The following PCDH15 variants were observed in gnomAD, a reference collection of about 807,000 sequenced individuals.
The protein encoded by PCDH15 is protocadherin related 15, also known as protocadherin-15.
In PCDH15, 129 loss-of-function variants were observed where a neutral mutation model predicts 178.5. That is an observed-to-expected ratio of 0.72 (90% CI 0.63 to 0.84). The LOEUF is 0.84. PCDH15 is among the 40% of genes least tolerant of loss of function. PCDH15 has a pLI of 0.00. For missense variants in PCDH15, 2,230 were observed against 2,099.9 expected (o/e 1.06, Z -1.21); for synonymous variants, 800 against 732.0 (o/e 1.09, Z -1.50).
chr10:53,811,428 A>G (rs926277070), intron 36 of PCDH15, 121 bp downstream of exon 36: 1 of 556,590 alleles, frequency 1.8e-6, no homozygotes, highest in Non-Finnish European at 3.0e-6. Context: ...ATTTTCAAGT[A>G]TTATACTAGT....
chr10:55,100,587 C>T (rs978133446), intron 2 of PCDH15, among the ~76,000 whole-genome samples: 2 of 152,126 alleles, frequency 1.3e-5, no homozygotes, highest in African/African-American at 2.4e-5. Flanking sequence ...AGGGGAGCTA[C>T]TGTGTGCAGA....
At chr10:54,987,372 T>G (rs1401430408) in intron 2 of PCDH15, among the ~76,000 whole-genome samples, 1 of 152,146 alleles carries the variant, frequency 6.6e-6, no homozygotes, top group African/African-American at 2.4e-5. Context: ...ATTCTTTGGG[T>G]ATATAGCCAG....
In PCDH15 at chr10:54,853,328, C is replaced by CAT. The variant is rs1250672893; in HGVS notation, c.-29+44121_-29+44122insAT. Among the ~76,000 whole-genome samples the CAT allele has an allele frequency of 1.1e-4, 13 of 118,402 alleles. No homozygotes were observed. The South Asian group carries it at 2.5e-3, about 23-fold the overall frequency. The allele number at this position is 118,402 out of a possible 152,430, so 77.7% of individuals were successfully genotyped here. A position where few individuals can be genotyped will look rare whatever the true frequency, so the allele number is the denominator to read the frequency against. Reference sequence around the variant, plus strand: ...ATATATATATATATATACATACACACACATATACATATATATACATATATA... The same window carrying CAT: ...ATATATATATATATATACATACACACATACATATACATATATATACATATATA... On this transcript the variant is annotated intron_variant, in intron 3 of 5. Transcript: ENST00000458638.
At chr10:53,896,145 G>C (rs758678525) in intron 26 of PCDH15, among the ~76,000 whole-genome samples, 3 of 151,272 alleles carry the variant, frequency 2.0e-5, no homozygotes, top group African/African-American at 7.3e-5. Context: ...AAGAGTGTAG[G>C]CTAAAATAAG....
chr10:55,021,634 ATTC>A (rs1389391068), intron 2 of PCDH15, among the ~76,000 whole-genome samples: 16 of 152,216 alleles, frequency 1.1e-4, no homozygotes, highest in Non-Finnish European at 1.5e-5. Context: ...AAGTATAGAT[ATTC>A]TTCTTTCAAA....
rs139717943 is a variant in PCDH15, at chr10:54,675,702, A to G, written c.-28-11412T>C. Among the ~76,000 whole-genome samples the G allele has an allele frequency of 1.4e-3, 208 of 152,232 alleles. 3 individuals are homozygous for G. Among genetic ancestry groups the G allele is most frequent in the African/African-American group, 4.8e-3 (199 of 41,560 alleles). On this transcript the variant is annotated intron_variant, in intron 1 of 37. Transcript: ENST00000644397. ...CCTTTCCTTTGTATTCAGCGAACAC[A>G]TCTCAGTTTATAATTACATTGCTTG... is the stretch of plus-strand genomic sequence containing the variant.
intron 2 of PCDH15, among the ~76,000 whole-genome samples, chr10:54,559,700 C>T (rs2087797490): frequency 6.6e-6 from 1 of 151,858 alleles, no homozygotes; most frequent in Admixed American, 6.6e-5. Flanking sequence ...TACCACTTTA[C>T]ATGTGCATAC....
rs1469531752 is a variant in PCDH15, at chr10:54,922,171, T to A, written c.-79-24671A>T. On this transcript the variant is annotated intron_variant, in intron 2 of 5. Coordinates refer to the PCDH15 transcript ENST00000458638. ...GTCTCATGTCCTTCTCATTTTTAAA[T>A]CATGACCATGCCTTTTCAACAGTCC... Among the ~76,000 whole-genome samples the A allele has an allele frequency of 1.3e-5, 2 of 152,216 alleles. 1 individual carries two copies. Among genetic ancestry groups the A allele is most frequent in the South Asian group, 4.1e-4 (2 of 4,826 alleles).
At chr10:55,283,649 G>A (rs1842792523) in intron 1 of PCDH15, among the ~76,000 whole-genome samples, 1 of 150,488 alleles carries the variant, frequency 6.6e-6, no homozygotes, top group African/African-American at 2.4e-5. Context: ...TTAAGTACTT[G>A]GTATAGAGCT....
rs141735752 is a variant in PCDH15, at chr10:54,202,769, G to A, written c.1099-6880C>T. Among the ~76,000 whole-genome samples, 903 of 140,678 alleles carry A rather than the reference G, an allele frequency of 6.4e-3. 9 individuals are homozygous for A. Among genetic ancestry groups the A allele is most frequent in the African/African-American group, 0.019 (738 of 38,730 alleles). 92.3% of individuals were successfully genotyped at this position (140,678 alleles called of 152,430 possible). A position where few individuals can be genotyped will look rare whatever the true frequency, so the allele number is the denominator to read the frequency against. ...AGAGGTTGCAGTGAGCCAAGATTGCGCCACTACATTCCAGCCTGAGCAACA... is the reference window on the plus strand; with the variant it reads ...AGAGGTTGCAGTGAGCCAAGATTGCACCACTACATTCCAGCCTGAGCAACA... On this transcript the variant is annotated intron_variant, in intron 10 of 37. Coordinates refer to ENST00000644397, the MANE Select transcript of PCDH15 (RefSeq NM_001384140.1).
At chr10:54,928,405 A>T (rs921924370) in intron 2 of PCDH15, among the ~76,000 whole-genome samples, 6 of 152,048 alleles carry the variant, frequency 3.9e-5, no homozygotes, top group African/African-American at 1.4e-4. Flanking sequence ...AGAATCTGAT[A>T]ATTATGTGTC....
intron 1 of PCDH15, among the ~76,000 whole-genome samples, chr10:55,186,650 T>TA (rs1029894919): frequency 2.0e-5 from 3 of 151,734 alleles, no homozygotes; most frequent in Non-Finnish European, 2.9e-5. Flanking sequence ...CTTACATTTT[T>TA]AAAAAATCTA....
chr10:55,048,087 T>C (rs1297909408), intron 2 of PCDH15, among the ~76,000 whole-genome samples: 1 of 151,856 alleles, frequency 6.6e-6, no homozygotes, highest in Non-Finnish European at 1.5e-5. Flanking sequence ...ATACTGGCAC[T>C]TTGAATGCTC....
At chr10:53,836,100 A>C (rs2077290511) in intron 29 of PCDH15, among the ~76,000 whole-genome samples, 1 of 152,024 alleles carries the variant, frequency 6.6e-6, no homozygotes, top group Admixed American at 6.6e-5. Flanking sequence ...TATAAGCAAA[A>C]ATCCCCTACC....
At chr10:55,253,334 T>G (rs1841897316) in intron 1 of PCDH15, among the ~76,000 whole-genome samples, 1 of 152,090 alleles carries the variant, frequency 6.6e-6, no homozygotes, top group African/African-American at 2.4e-5. Flanking sequence ...TATTTCTTTC[T>G]TTTCTAAAAA....
chr10:54,853,086 C>T (rs1254391892), intron 3 of PCDH15, among the ~76,000 whole-genome samples: 1 of 150,028 alleles, frequency 6.7e-6, no homozygotes. Context: ...TGTGGAGAAA[C>T]CCCATCTCTA....
At chr10:54,471,904 A>G (rs1438140033) in intron 3 of PCDH15, among the ~76,000 whole-genome samples, 1 of 152,128 alleles carries the variant, frequency 6.6e-6, no homozygotes, top group African/African-American at 2.4e-5. Context: ...AAAAGTAATT[A>G]TACATATTTT....
At chr10:54,756,706 C>A (rs758516199) in intron 1 of PCDH15, among the ~76,000 whole-genome samples, 3 of 103,074 alleles carry the variant, frequency 2.9e-5, no homozygotes, top group African/African-American at 7.2e-5. Context: ...GTCTGTCTGT[C>A]TGTATGTATG....
chr10:55,090,912 C>CTT (rs35726018), intron 2 of PCDH15, among the ~76,000 whole-genome samples: 6,151 of 151,454 alleles, frequency 0.041, 301 homozygotes, highest in East Asian at 0.14. Context: ...TGTACTATTT[C>CTT]TTTTTTTTGG....
Sources: allele counts gnomAD v4.1 joint callset (sites outside exome capture counted in the v4.1 genomes callset), GRCh38; gene constraint gnomAD v4.1.1; transcripts MANE v1.5; gene names NCBI Gene and HGNC (gene_info 2026-07-23, HGNC 2026-07-21).